The following LRRC72 variants were observed in gnomAD, a reference collection of about 807,000 sequenced individuals.
LRRC72 encodes the protein leucine rich repeat containing 72.
In LRRC72, 41 loss-of-function variants were observed where a neutral mutation model predicts 35.8. The observed-to-expected ratio is 1.15, with a 90% CI of 0.89 to 1.49. The LOEUF is 1.49. Among genes scored for constraint, LRRC72 ranks in the 40% most tolerant of loss-of-function variants. The pLI is 0.00. For synonymous variants in LRRC72, 118 were observed against 119.2 expected, an observed-to-expected ratio of 0.99 and a Z score of 0.07; for missense variants, 389 against 330.7, an observed-to-expected ratio of 1.18 and a Z score of -1.37.
intron 5 of LRRC72, among the ~76,000 whole-genome samples, chr7:16,565,682 C>T (rs966634994): frequency 3.3e-5 from 5 of 152,084 alleles, no homozygotes; most frequent in Admixed American, 1.3e-4. Flanking sequence ...TTAGGAAGTG[C>T]GGTTTATCAC....
chr7:16,568,275 C>T (rs960127363), intron 7 of LRRC72, among the ~76,000 whole-genome samples: 1 of 152,044 alleles, frequency 6.6e-6, no homozygotes, highest in African/African-American at 2.4e-5. Context: ...CTCCATTCCA[C>T]GAAGGAAGAG....
intron 3 of LRRC72, among the ~76,000 whole-genome samples, chr7:16,544,584 G>C (rs1263552280): frequency 6.6e-6 from 1 of 152,128 alleles, no homozygotes; most frequent in East Asian, 1.9e-4. Context: ...TCTCATGAAA[G>C]GTTGAGTTAG....
chr7:16,552,307 A>G (rs1782566262), intron 3 of LRRC72, among the ~76,000 whole-genome samples: 1 of 152,200 alleles, frequency 6.6e-6, no homozygotes, highest in South Asian at 2.1e-4. Flanking sequence ...TAAAAGAAAT[A>G]CCCTGAGATG....
intron 3 of LRRC72, among the ~76,000 whole-genome samples, chr7:16,549,556 T>C (rs1005238469): frequency 6.6e-6 from 1 of 152,176 alleles, no homozygotes; most frequent in South Asian, 2.1e-4. Context: ...TCCACTGCTA[T>C]GGAAAGCAAT....
Position 16,581,491 on chromosome 7 carries a change from C to T in LRRC72, c.*2C>T, listed in dbSNP as rs897522771. Reference sequence around the variant, plus strand: ...ATGCTCACAGTTACACTGAGATAAGCCCTGGTATTTCTAGATATCTTAGTG... The same window carrying T: ...ATGCTCACAGTTACACTGAGATAAGTCCTGGTATTTCTAGATATCTTAGTG... On this transcript the variant is annotated 3_prime_UTR_variant, in exon 9 of 9. Transcript: ENST00000401542. The T allele has an allele frequency of 9.1e-6, 14 of 1,536,868 alleles. No homozygotes were observed. The highest frequency in any genetic ancestry group is 5.5e-5 in the African/African-American group (4 of 72,458).
chr7:16,538,716 G>A lies in LRRC72; in HGVS notation c.234+1020G>A, dbSNP rs144228646. 2.1e-3 allele frequency among the ~76,000 whole-genome samples: 327 copies of A among 152,308 alleles called. 1 individual carries two copies. The highest frequency in any genetic ancestry group is 7.6e-3 in the African/African-American group (315 of 41,576). ...CATGATGGGAGATGACTGGATCATG[G>A]GGATGGTTCCCTCCATGTTGTTCTC... On this transcript the variant is annotated intron_variant, in intron 3 of 8. Transcript: ENST00000401542.
intron 5 of LRRC72, among the ~76,000 whole-genome samples, chr7:16,562,640 G>T (rs1562749370): frequency 6.6e-6 from 1 of 152,160 alleles, no homozygotes; most frequent in Non-Finnish European, 1.5e-5. Flanking sequence ...CTTCAGCAGT[G>T]GCCCCAATCC....
intron 1 of LRRC72, 142 bp from the exon 2 acceptor site, chr7:16,532,353 T>C (rs1782181627): frequency 3.3e-6 from 2 of 608,302 alleles, no homozygotes; most frequent in Admixed American, 6.0e-5. Context: ...ATTGTAGCCT[T>C]GGAATTTATC....
chr7:16,559,428 G>A (rs149267800), intron 5 of LRRC72, among the ~76,000 whole-genome samples: 5 of 151,882 alleles, frequency 3.3e-5, no homozygotes, highest in Non-Finnish European at 7.4e-5. Flanking sequence ...CTGAAAATAA[G>A]GCTAGATCTT....
intron 2 of LRRC72, among the ~76,000 whole-genome samples, chr7:16,534,737 ATTTC>A (rs1364959175): frequency 6.6e-6 from 1 of 152,118 alleles, no homozygotes; most frequent in Non-Finnish European, 1.5e-5. Context: ...CCATGTAATG[ATTTC>A]TTTATTATTT....
chr7:16,545,759 T>C (rs888141822), intron 3 of LRRC72, among the ~76,000 whole-genome samples: 1 of 152,156 alleles, frequency 6.6e-6, no homozygotes, highest in Non-Finnish European at 1.5e-5. Flanking sequence ...CAAATCAATA[T>C]AAATAAACTA....
intron 5 of LRRC72, among the ~76,000 whole-genome samples, chr7:16,566,074 G>C (rs1782832971): frequency 6.6e-6 from 1 of 152,172 alleles, no homozygotes; most frequent in Admixed American, 6.5e-5. Context: ...ATAGCCCTTA[G>C]CACAGTTCCT....
intron 3 of LRRC72, among the ~76,000 whole-genome samples, chr7:16,547,330 C>T (rs941328895): frequency 6.6e-6 from 1 of 152,070 alleles, no homozygotes; most frequent in Admixed American, 6.5e-5. Flanking sequence ...AGAGGAGTCC[C>T]AAGGCAGAGC....
At chr7:16,540,078 T>C (rs140177945) in intron 3 of LRRC72, among the ~76,000 whole-genome samples, 5 of 152,258 alleles carry the variant, frequency 3.3e-5, no homozygotes, top group African/African-American at 7.2e-5. Flanking sequence ...ACTTGCACCA[T>C]GTGCCTAGAA....
intron 3 of LRRC72, among the ~76,000 whole-genome samples, chr7:16,543,799 G>A (rs552968659): frequency 1.3e-5 from 2 of 152,288 alleles, no homozygotes; most frequent in East Asian, 3.9e-4. Context: ...TGTGAAGGCA[G>A]GAACTAACTA....
chr7:16,534,020 T>G (rs1404883964), intron 2 of LRRC72, among the ~76,000 whole-genome samples: 1 of 152,174 alleles, frequency 6.6e-6, no homozygotes, highest in Non-Finnish European at 1.5e-5. Flanking sequence ...AGATAATTAA[T>G]CGACTCCTTG....
chr7:16,545,639 T>G, intron 3 of LRRC72, among the ~76,000 whole-genome samples: 1 of 152,204 alleles, frequency 6.6e-6, no homozygotes, highest in East Asian at 1.9e-4. Context: ...CCATATATTT[T>G]GGGCTCTTAT....
chr7:16,554,746 C>T (rs1782620426), intron 3 of LRRC72, among the ~76,000 whole-genome samples: 1 of 152,174 alleles, frequency 6.6e-6, no homozygotes, highest in South Asian at 2.1e-4. Flanking sequence ...ATCCTATAAT[C>T]CCTATGATCA....
At chr7:16,537,569 G>C in intron 2 of LRRC72, 58 bp from the exon 3 acceptor site, 2 of 1,075,528 alleles carry the variant, frequency 1.9e-6, no homozygotes, top group Non-Finnish European at 2.7e-6. Flanking sequence ...TACATGCCCA[G>C]ACTTACCTAT....
Sources: allele counts gnomAD v4.1 joint callset (sites outside exome capture counted in the v4.1 genomes callset), GRCh38; gene constraint gnomAD v4.1.1; transcripts MANE v1.5; gene names NCBI Gene and HGNC (gene_info 2026-07-23, HGNC 2026-07-21).